Variants in NEK1 observed in about 807,000 individuals in gnomAD.
The protein encoded by NEK1 is NIMA related kinase 1.
NEK1 carries 137 observed loss-of-function variants against 182.1 expected under a neutral mutation model. That is an observed-to-expected ratio of 0.75 (90% confidence interval 0.65 to 0.87). The LOEUF is 0.87. NEK1 is among the 40% of genes least tolerant of loss of function. The probability of loss-of-function intolerance (pLI) is 0.00; values close to 1 mark genes in which losing one functional copy is unlikely to be tolerated. For synonymous variants in NEK1, 513 were observed against 492.2 expected, an observed-to-expected ratio of 1.04 and a Z score of -0.56; for missense variants, 1,391 against 1,494.4, an observed-to-expected ratio of 0.93 and a Z score of 1.14.
chr4:169,490,912 G>A (rs566844026), intron 23 of NEK1, among the ~76,000 whole-genome samples: 3 of 152,222 alleles, frequency 2.0e-5, no homozygotes, highest in Non-Finnish European at 4.4e-5. Context: ...GGGAGGCCAA[G>A]GCGGGAGGAT....
At chr4:169,500,323 G>A (rs1752196417) in intron 23 of NEK1, among the ~76,000 whole-genome samples, 2 of 152,166 alleles carry the variant, frequency 1.3e-5, no homozygotes, top group African/African-American at 4.8e-5. Flanking sequence ...CTAGGAAAGG[G>A]AATTCCCTGA....
intron 19 of NEK1, among the ~76,000 whole-genome samples, chr4:169,536,397 C>A (rs148408409): frequency 1.3e-5 from 2 of 150,076 alleles, no homozygotes; most frequent in South Asian, 4.2e-4. Context: ...CATTATATAC[C>A]AAGGAAAAAG....
chr4:169,421,735 TTTCTTCA>T, intron 31 of NEK1, among the ~76,000 whole-genome samples: 1 of 152,330 alleles, frequency 6.6e-6, no homozygotes, highest in African/African-American at 2.4e-5. Context: ...TTAAATCTAT[TTTCTTCA>T]TAAATTACTC....
intron 27 of NEK1, among the ~76,000 whole-genome samples, chr4:169,451,483 C>T (rs1190979681): frequency 6.6e-6 from 1 of 152,176 alleles, no homozygotes; most frequent in Non-Finnish European, 1.5e-5. Context: ...TTAAGAAACT[C>T]ACTCAAAACC....
At chr4:169,435,699 C>A (rs375532285) in intron 28 of NEK1, among the ~76,000 whole-genome samples, 42 of 152,228 alleles carry the variant, frequency 2.8e-4, no homozygotes, top group African/African-American at 8.4e-4. Flanking sequence ...TTCTTAAAGA[C>A]CACATTGCAA....
At chr4:169,411,233 C>T (rs1378699643) in intron 31 of NEK1, among the ~76,000 whole-genome samples, 1 of 151,432 alleles carries the variant, frequency 6.6e-6, no homozygotes, top group Non-Finnish European at 1.5e-5. Context: ...GCCACATTTT[C>T]CAGTAGAGCT....
At chr4:169,557,464 T>C (rs796778929) in intron 16 of NEK1, among the ~76,000 whole-genome samples, 9 of 152,340 alleles carry the variant, frequency 5.9e-5, no homozygotes, top group South Asian at 2.1e-4. Context: ...GGTCAACTTA[T>C]TTTAACTTTT....
intron 23 of NEK1, among the ~76,000 whole-genome samples, chr4:169,483,397 T>C (rs1347645696): frequency 6.6e-6 from 1 of 152,220 alleles, no homozygotes; most frequent in Non-Finnish European, 1.5e-5. Context: ...AAAATGACAC[T>C]GATAGACTTG....
chr4:169,472,515 T>C (rs960144911), intron 26 of NEK1, among the ~76,000 whole-genome samples: 8 of 152,210 alleles, frequency 5.3e-5, no homozygotes, highest in Admixed American at 4.6e-4. Flanking sequence ...TAGTTGGAAA[T>C]GCAGAAATCA....
At chr4:169,535,746 G>A (rs952757986) in intron 19 of NEK1, among the ~76,000 whole-genome samples, 1 of 151,668 alleles carries the variant, frequency 6.6e-6, no homozygotes, top group African/African-American at 2.4e-5. Flanking sequence ...CCAGCGTGGT[G>A]ACAGACGCCT....
chr4:169,485,865 G>A (rs1416735176), intron 23 of NEK1, among the ~76,000 whole-genome samples: 1 of 151,912 alleles, frequency 6.6e-6, no homozygotes, highest in Non-Finnish European at 1.5e-5. Flanking sequence ...CACCAGACCA[G>A]TGAGACTCCA....
intron 35 of NEK1, among the ~76,000 whole-genome samples, chr4:169,399,356 C>A (rs1313862886): frequency 6.6e-6 from 1 of 152,110 alleles, no homozygotes; most frequent in African/African-American, 2.4e-5. Context: ...GTGTGTGGAT[C>A]ATCTGAGATC....
intron 27 of NEK1, among the ~76,000 whole-genome samples, chr4:169,458,757 A>T (rs2149489280): frequency 6.8e-6 from 1 of 147,588 alleles, no homozygotes; most frequent in East Asian, 2.1e-4. Context: ...GGGCCCAGGG[A>T]GGTTGAGGCT....
chr4:169,532,751 G>A (rs577538678), intron 19 of NEK1, among the ~76,000 whole-genome samples: 33 of 151,142 alleles, frequency 2.2e-4, no homozygotes, highest in African/African-American at 8.0e-4. Flanking sequence ...ACCAGCCTGG[G>A]CAACAAGGTG....
chr4:169,583,568 G>A (rs965739466), intron 10 of NEK1, among the ~76,000 whole-genome samples: 4 of 152,106 alleles, frequency 2.6e-5, no homozygotes, highest in Non-Finnish European at 5.9e-5. Flanking sequence ...TTTTAGGCTT[G>A]AATATTTTCT....
intron 5 of NEK1, 71 bp from the exon 6 acceptor site, chr4:169,590,880 A>G (rs1306043256): frequency 3.0e-6 from 3 of 988,316 alleles, no homozygotes; most frequent in Non-Finnish European, 3.1e-6. Flanking sequence ...TTTAGGGATG[A>G]GAGGAACTAA....
chr4:169,594,343 T>C (rs1316715174), intron 5 of NEK1, among the ~76,000 whole-genome samples: 2 of 152,200 alleles, frequency 1.3e-5, no homozygotes, highest in Admixed American at 1.3e-4. Flanking sequence ...GCATTAATTT[T>C]TTAAAGGCAT....
intron 2 of NEK1, among the ~76,000 whole-genome samples, chr4:169,607,272 T>C (rs542484830): frequency 8.5e-4 from 130 of 152,168 alleles, no homozygotes; most frequent in Non-Finnish European, 1.0e-3. Flanking sequence ...TAGTATCCCA[T>C]CAAAAAATAA....
chr4:169,440,331 A>G (rs940461131), intron 27 of NEK1, among the ~76,000 whole-genome samples: 4 of 152,260 alleles, frequency 2.6e-5, no homozygotes, highest in Middle Eastern at 3.4e-3. Flanking sequence ...ACCACACAAA[A>G]ATGGTAAAAA....
Sources: gnomAD v4.1 joint callset for allele counts (sites outside exome capture counted in the v4.1 genomes callset) on GRCh38, gnomAD v4.1.1 for gene constraint, MANE v1.5 for transcripts, NCBI Gene and HGNC (gene_info 2026-07-23, HGNC 2026-07-21) for gene names.